HHAT: variants seen among roughly 807,000 people sequenced by gnomAD.
HHAT encodes protein-cysteine N-palmitoyltransferase HHAT.
Under a neutral mutation model 70.8 loss-of-function variants are expected in HHAT, and 47 were observed. The observed-to-expected ratio is 0.66, with a 90% CI of 0.53 to 0.85. The LOEUF (loss-of-function observed/expected upper bound fraction) is 0.85. HHAT is among the 40% of genes least tolerant of loss of function. The pLI, the probability that HHAT is intolerant of heterozygous loss-of-function variation, is 0.00. For synonymous variants in HHAT, 228 were observed against 247.6 expected (o/e 0.92, Z 0.74); for missense variants, 609 against 604.8 (o/e 1.01, Z -0.07).
intron 9 of HHAT, among the ~76,000 whole-genome samples, chr1:210,567,107 G>A (rs1654952524): frequency 6.6e-6 from 1 of 152,168 alleles, no homozygotes; most frequent in Admixed American, 6.5e-5. Flanking sequence ...CCAAACAGAG[G>A]ATGCACATCC....
At chr1:210,356,989 T>A (rs2087700695) in intron 2 of HHAT, among the ~76,000 whole-genome samples, 1 of 152,270 alleles carries the variant, frequency 6.6e-6, no homozygotes, top group Admixed American at 6.5e-5. Flanking sequence ...AGCTGGGAAC[T>A]GGACAGCCTG....
intron 7 of HHAT, among the ~76,000 whole-genome samples, chr1:210,448,630 A>G (rs1015422408): frequency 2.1e-4 from 32 of 152,308 alleles, no homozygotes; most frequent in East Asian, 1.9e-3. Flanking sequence ...GAGAGAGTCT[A>G]CCAAAGTAGC....
At chr1:210,639,371 T>C (rs951502908) in intron 11 of HHAT, among the ~76,000 whole-genome samples, 3 of 152,256 alleles carry the variant, frequency 2.0e-5, no homozygotes, top group Non-Finnish European at 2.9e-5. Context: ...TCATGCTAGT[T>C]TGGCATTTCC....
chr1:210,464,368 G>C (rs1207206988), intron 7 of HHAT, 137 bp from the exon 8 acceptor site: 17 of 813,028 alleles, frequency 2.1e-5, no homozygotes, highest in Non-Finnish European at 2.8e-5. Flanking sequence ...GAATACTTTT[G>C]TGAAATGTGC....
intron 8 of HHAT, among the ~76,000 whole-genome samples, chr1:210,502,971 TA>T (rs1360567207): frequency 1.7e-3 from 209 of 120,304 alleles, no homozygotes; most frequent in Non-Finnish European, 2.7e-3. Context: ...ATACTGAAGA[TA>T]TTTTTTTTTT....
intron 7 of HHAT, among the ~76,000 whole-genome samples, chr1:210,421,810 T>C (rs1353087169): frequency 6.6e-6 from 1 of 152,164 alleles, no homozygotes; most frequent in Non-Finnish European, 1.5e-5. Flanking sequence ...ATTTCTGTCT[T>C]TTTCTTGTGG....
At chr1:210,336,943 A>C (rs10489389) in intron 1 of HHAT, among the ~76,000 whole-genome samples, 4,547 of 152,294 alleles carry the variant, frequency 0.03, 210 homozygotes, top group African/African-American at 0.099. Context: ...TTGCTGATTA[A>C]AAAGGCTTAA....
chr1:210,407,111 T>A (rs1247486590), intron 6 of HHAT, among the ~76,000 whole-genome samples: 1 of 151,968 alleles, frequency 6.6e-6, no homozygotes, highest in Non-Finnish European at 1.5e-5. Flanking sequence ...GTGGGGAACT[T>A]CCCTTCTGTG....
intron 9 of HHAT, among the ~76,000 whole-genome samples, chr1:210,533,493 A>G (rs1446929490): frequency 6.6e-6 from 1 of 152,200 alleles, no homozygotes; most frequent in African/African-American, 2.4e-5. Context: ...TCTTGGGCTT[A>G]TGTCTGGAGA....
intron 8 of HHAT, among the ~76,000 whole-genome samples, chr1:210,484,193 T>A (rs1327567573): frequency 6.6e-6 from 1 of 152,204 alleles, no homozygotes; most frequent in Non-Finnish European, 1.5e-5. Flanking sequence ...CTGACTGACA[T>A]GTAGGTGGAG....
intron 8 of HHAT, among the ~76,000 whole-genome samples, chr1:210,510,344 T>A (rs1445298103): frequency 6.6e-6 from 1 of 152,182 alleles, no homozygotes; most frequent in Non-Finnish European, 1.5e-5. Context: ...GGTGTTGGCA[T>A]GAGTTGGATG....
chr1:210,374,318 A>T (rs1250188448), intron 3 of HHAT: 1 of 152,164 alleles, frequency 6.6e-6, no homozygotes, highest in South Asian at 2.1e-4. Flanking sequence ...AACTCCTAGT[A>T]CGCCGATGGT....
At chr1:210,663,539 C>T (rs1389560462) in intron 11 of HHAT, among the ~76,000 whole-genome samples, 1 of 152,206 alleles carries the variant, frequency 6.6e-6, no homozygotes, top group Non-Finnish European at 1.5e-5. Flanking sequence ...GGGCTGGTGA[C>T]ACCTGTGTGA....
chr1:210,377,374 G>A (rs1254359054), intron 3 of HHAT, among the ~76,000 whole-genome samples: 1 of 152,124 alleles, frequency 6.6e-6, no homozygotes, highest in East Asian at 1.9e-4. Context: ...TTTGAGAGAT[G>A]TGGGGAAAAT....
intron 7 of HHAT, among the ~76,000 whole-genome samples, chr1:210,447,076 A>C (rs2093650219): frequency 6.6e-6 from 1 of 152,238 alleles, no homozygotes; most frequent in Admixed American, 6.5e-5. Context: ...AAGTATCCTC[A>C]ATAGACTCAT....
chr1:210,656,410 C>A lies in HHAT; in HGVS notation c.1391-17878C>A, dbSNP rs73065525. 1.8e-3 allele frequency among the ~76,000 whole-genome samples: 273 copies of A among 152,272 alleles called. 3 individuals carry two copies. Among genetic ancestry groups the A allele is most frequent in the African/African-American group, 6.2e-3 (259 of 41,552 alleles). On this transcript the variant is annotated intron_variant, in intron 11 of 11. Coordinates refer to ENST00000261458, the MANE Select transcript of HHAT (RefSeq NM_018194.6). ...CCCTCAGGCTGAGCACACATACCCC[C>A]CCCGTCCCCCTGCCCTTTGAGCCTC... is the stretch of plus-strand genomic sequence containing the variant.
At chr1:210,575,176 T>C (rs1402886558) in intron 9 of HHAT, among the ~76,000 whole-genome samples, 3 of 152,316 alleles carry the variant, frequency 2.0e-5, no homozygotes, top group African/African-American at 7.2e-5. Flanking sequence ...GGAGAAATCA[T>C]GCATCCCTTC....
intron 9 of HHAT, among the ~76,000 whole-genome samples, chr1:210,546,395 A>C (rs981846413): frequency 1.3e-5 from 2 of 152,228 alleles, no homozygotes; most frequent in Non-Finnish European, 2.9e-5. Flanking sequence ...GAAGGTTGGC[A>C]TGTGATTCCA....
intron 4 of HHAT, among the ~76,000 whole-genome samples, chr1:210,398,176 A>G (rs568328485): frequency 1.3e-5 from 2 of 152,234 alleles, no homozygotes; most frequent in Non-Finnish European, 2.9e-5. Context: ...TAGACAAAGT[A>G]TGAAAATCAA....
Sources: allele counts gnomAD v4.1 joint callset (sites outside exome capture counted in the v4.1 genomes callset), GRCh38; gene constraint gnomAD v4.1.1; transcripts MANE v1.5; gene names NCBI Gene and HGNC (gene_info 2026-07-23, HGNC 2026-07-21).